The following NKAIN2 variants were observed in gnomAD, a reference collection of about 807,000 sequenced individuals.
NKAIN2 encodes sodium/potassium-transporting ATPase subunit beta-1-interacting protein 2.
In NKAIN2, 14 loss-of-function variants were observed where a neutral mutation model predicts 32.6. The observed-to-expected ratio is 0.43, with a 90% CI of 0.28 to 0.67. NKAIN2 has a LOEUF of 0.67. NKAIN2 is among the 30% of genes least tolerant of loss of function. The probability of loss-of-function intolerance (pLI) is 0.17; values close to 1 mark genes in which losing one functional copy is unlikely to be tolerated. For synonymous variants in NKAIN2, 80 were observed against 87.2 expected (o/e 0.92, Z 0.46); for missense variants, 198 against 258.3 (o/e 0.77, Z 1.60).
intron 1 of NKAIN2, among the ~76,000 whole-genome samples, chr6:123,968,762 T>A (rs1778205832): frequency 6.6e-6 from 1 of 152,198 alleles, no homozygotes; most frequent in East Asian, 1.9e-4. Flanking sequence ...CCTGTTAGCC[T>A]TACAAATTTC....
intron 1 of NKAIN2, among the ~76,000 whole-genome samples, chr6:124,165,273 A>T (rs1386124308): frequency 6.6e-6 from 1 of 152,090 alleles, no homozygotes; most frequent in African/African-American, 2.4e-5. Flanking sequence ...TTAGAAGTGC[A>T]CTGTCCCTTG....
At chr6:124,658,048 T>C in intron 3 of NKAIN2, 138 bp from the exon 4 acceptor site, 1 of 628,380 alleles carries the variant, frequency 1.6e-6, no homozygotes, top group Admixed American at 3.2e-5. Flanking sequence ...TCGCTTCCTG[T>C]AAAATACAGC....
At chr6:123,922,850 A>G (rs1468459722) in intron 1 of NKAIN2, among the ~76,000 whole-genome samples, 2 of 152,200 alleles carry the variant, frequency 1.3e-5, no homozygotes, top group Non-Finnish European at 2.9e-5. Context: ...AACATAATTT[A>G]CTTTTTAATT....
intron 1 of NKAIN2, among the ~76,000 whole-genome samples, chr6:124,139,218 A>G (rs1787014614): frequency 6.8e-6 from 1 of 147,332 alleles, no homozygotes; most frequent in Non-Finnish European, 1.5e-5. Context: ...CCTCCCCAGT[A>G]GCTGGGACTA....
intron 1 of NKAIN2, among the ~76,000 whole-genome samples, chr6:124,260,265 G>A (rs1794178272): frequency 6.6e-6 from 1 of 152,094 alleles, no homozygotes. Context: ...CATCCTAGTG[G>A]GGAAGATGAG....
At chr6:124,246,872 C>A (rs1793435169) in intron 1 of NKAIN2, among the ~76,000 whole-genome samples, 2 of 152,014 alleles carry the variant, frequency 1.3e-5, no homozygotes, top group South Asian at 2.1e-4. Context: ...ATGTGCTTTT[C>A]TTATGGTTTT....
At chr6:124,152,908 A>G (rs1019569330) in intron 1 of NKAIN2, among the ~76,000 whole-genome samples, 40 of 152,062 alleles carry the variant, frequency 2.6e-4, no homozygotes, top group African/African-American at 9.6e-4. Context: ...GCAGAGAAAG[A>G]TGAATATTAT....
intron 3 of NKAIN2, among the ~76,000 whole-genome samples, chr6:124,657,693 C>G (rs1386724430): frequency 1.3e-5 from 2 of 151,852 alleles, no homozygotes; most frequent in Non-Finnish European, 2.9e-5. Flanking sequence ...AAGTAAGGGT[C>G]TTACAAATTC....
intron 1 of NKAIN2, among the ~76,000 whole-genome samples, chr6:124,226,026 A>G (rs943168937): frequency 1.3e-5 from 2 of 152,076 alleles, no homozygotes; most frequent in Non-Finnish European, 2.9e-5. Flanking sequence ...GAAGACTTGA[A>G]AAGCCCCACT....
At chr6:124,087,705 A>G (rs1784246982) in intron 1 of NKAIN2, among the ~76,000 whole-genome samples, 1 of 151,976 alleles carries the variant, frequency 6.6e-6, no homozygotes, top group African/African-American at 2.4e-5. Context: ...GAGAAAATTC[A>G]ATTGCGTATG....
intron 1 of NKAIN2, among the ~76,000 whole-genome samples, chr6:124,231,452 C>A (rs569369804): frequency 7.7e-4 from 117 of 152,094 alleles, no homozygotes; most frequent in Admixed American, 2.6e-3. Flanking sequence ...TTGGGAGGGA[C>A]CTGGGGTGGA....
At chr6:123,861,560 C>A (rs1775786477) in intron 1 of NKAIN2, among the ~76,000 whole-genome samples, 1 of 152,070 alleles carries the variant, frequency 6.6e-6, no homozygotes. Flanking sequence ...GAAAGTCATA[C>A]TAAATTTTAT....
At chr6:123,891,841 A>G (rs959482186) in intron 1 of NKAIN2, among the ~76,000 whole-genome samples, 8 of 152,232 alleles carry the variant, frequency 5.3e-5, no homozygotes, top group African/African-American at 1.9e-4. Flanking sequence ...GAAATAAAGA[A>G]TAGATACTAA....
chr6:124,596,232 C>T (rs1334639112), intron 3 of NKAIN2, among the ~76,000 whole-genome samples: 1 of 152,128 alleles, frequency 6.6e-6, no homozygotes, highest in Non-Finnish European at 1.5e-5. Context: ...TAGGGGGCAT[C>T]AGGGATTACC....
intron 1 of NKAIN2, among the ~76,000 whole-genome samples, chr6:123,938,399 TATA>T (rs1776625629): frequency 1.8e-3 from 3 of 1,638 alleles, no homozygotes; most frequent in East Asian, 0.014. Context: ...GCAAGGGTTA[TATA>T]TATATATATA....
intron 1 of NKAIN2, among the ~76,000 whole-genome samples, chr6:124,174,958 A>G (rs1327567929): frequency 1.3e-5 from 2 of 152,122 alleles, no homozygotes; most frequent in Admixed American, 6.6e-5. Context: ...TAAATTTGAA[A>G]TTATCTGAGG....
intron 3 of NKAIN2, among the ~76,000 whole-genome samples, chr6:124,489,208 T>C (rs1777767473): frequency 6.6e-6 from 1 of 151,940 alleles, no homozygotes; most frequent in Non-Finnish European, 1.5e-5. Context: ...CTAAACTGTA[T>C]TTTCTCACTT....
intron 2 of NKAIN2, among the ~76,000 whole-genome samples, chr6:124,352,870 G>C (rs532583175): frequency 1.3e-5 from 2 of 152,198 alleles, no homozygotes; most frequent in African/African-American, 4.8e-5. Context: ...TCAACTCATA[G>C]AGCTTCTCAA....
At chr6:123,969,308 G>A (rs753068088) in intron 1 of NKAIN2, among the ~76,000 whole-genome samples, 20 of 152,118 alleles carry the variant, frequency 1.3e-4, no homozygotes, top group Non-Finnish European at 2.4e-4. Context: ...TTTTTATAAG[G>A]AATAAGGATG....
Sources: allele counts gnomAD v4.1 joint callset (sites outside exome capture counted in the v4.1 genomes callset), GRCh38; gene constraint gnomAD v4.1.1; transcripts MANE v1.5; gene names NCBI Gene and HGNC (gene_info 2026-07-23, HGNC 2026-07-21).